The following PRPF39 variants were observed in gnomAD, a reference collection of about 807,000 sequenced individuals.
PRPF39 encodes the protein pre-mRNA-processing factor 39.
In PRPF39, 27 loss-of-function variants were observed where a neutral mutation model predicts 82.1. The observed-to-expected ratio is 0.33, with a 90% confidence interval of 0.24 to 0.45. The LOEUF (loss-of-function observed/expected upper bound fraction) is 0.45, where lower values mean the gene tolerates loss of function less well. Among genes scored for constraint, PRPF39 ranks in the 20% least tolerant of loss-of-function variants. The pLI is 1.00. For synonymous variants in PRPF39, 261 were observed against 256.4 expected, an observed-to-expected ratio of 1.02 and a Z score of -0.17; for missense variants, 581 against 796.9, an observed-to-expected ratio of 0.73 and a Z score of 3.26.
Position 45,112,393 on chromosome 14 carries a change from C to A in PRPF39, c.1648C>A (p.Leu550Ile). 1 of 1,579,518 alleles carries A rather than the reference C, an allele frequency of 6.3e-7. No individual in the cohort carries two copies. ...CCTCAAACAAAATGAAGAAAATATC[C>A]TAAATTGTTTTGACAAAGCTGTACA... The part of the protein sequence containing the change: ...GDLKQNEENI[L>I]NCFDKAVHGS... Residue 550 changes from leucine (L) to isoleucine (I), a missense_variant, in exon 11 of 14, where the codon CTA (leucine) becomes ATA (isoleucine). By Grantham distance (5) the Leu-to-Ile change is conservative (BLOSUM62 2). Coordinates refer to ENST00000355765, the MANE Select transcript of PRPF39 (RefSeq NM_017922.4).
intron 4 of PRPF39, among the ~76,000 whole-genome samples, chr14:45,098,209 G>A (rs1330496176): frequency 6.6e-6 from 1 of 152,160 alleles, no homozygotes; most frequent in Non-Finnish European, 1.5e-5. Flanking sequence ...GAGCCTGGGA[G>A]GTTGAGGCTG....
intron 5 of PRPF39, 67 bp from the exon 6 acceptor site, chr14:45,107,384 G>C: frequency 1.7e-6 from 2 of 1,206,192 alleles, no homozygotes; most frequent in Non-Finnish European, 1.2e-6. Flanking sequence ...GTAGTATATA[G>C]TAGGAATCTC....
chr14:45,107,970 G>T (rs1035048686), intron 6 of PRPF39, among the ~76,000 whole-genome samples: 2 of 152,060 alleles, frequency 1.3e-5, no homozygotes, highest in African/African-American at 4.8e-5. Flanking sequence ...AACTGGACCT[G>T]TTATCCCTTG....
rs374435350 is a variant in PRPF39 at position 45,096,868 on chromosome 14, T to C, written c.451-19T>C. Reference sequence around the variant, plus strand: ...AAATAATTAAATATTTGAAGTACAGTTTGCTGTTTTCTTCTTAGGTTTATC... The same window carrying C: ...AAATAATTAAATATTTGAAGTACAGCTTGCTGTTTTCTTCTTAGGTTTATC... On this transcript the variant is annotated intron_variant, in intron 3 of 13. Transcript: ENST00000355765. 2.9e-5 allele frequency: 45 copies of C among 1,540,602 alleles called. No homozygotes were observed. The highest frequency in any genetic ancestry group is 2.9e-5 in the Non-Finnish European group (33 of 1,143,276).
chr14:45,110,589 A>G lies in PRPF39; in HGVS notation c.1344A>G (p.Glu448=). 1 of 1,567,194 alleles carries G rather than the reference A, an allele frequency of 6.4e-7. No individual in the cohort carries two copies. Among genetic ancestry groups the G allele is most frequent in the Non-Finnish European group, 8.7e-7 (1 of 1,154,402 alleles). Residue 448 remains glutamate (E), a synonymous_variant, in exon 10 of 14, where the codon GAA becomes GAG. Coordinates refer to ENST00000355765, the MANE Select transcript of PRPF39 (RefSeq NM_017922.4). The surrounding 1 kb of genome is among the most constrained non-coding windows in gnomAD (Gnocchi z 4.0). ...CCAGGAATATCTTGAAAACATTTGA[A>G]GAATGTGTTCTAGGATTGGCAATGG... ...NEARNILKTF[E]ECVLGLAMVR...
In PRPF39 at chr14:45,102,635, A is replaced by T; in HGVS notation, c.676A>T (p.Thr226Ser). 6.2e-7 allele frequency: 1 copy of T among 1,611,950 alleles called. No homozygotes were observed. Among genetic ancestry groups the T allele is most frequent in the African/African-American group, 1.3e-5 (1 of 75,002 alleles). ...TGAGCAGGGAAACCTGAGAGAAGTTACAGCTATATATGATCGTATTCTTGG... is the reference window on the plus strand; with the variant it reads ...TGAGCAGGGAAACCTGAGAGAAGTTTCAGCTATATATGATCGTATTCTTGG... ...ENEQGNLREV[T>S]AIYDRILGIP... The change falls in exon 5 of 14, where the codon ACA becomes TCA. Residue 226 changes from threonine (T) to serine (S), a missense_variant. Physicochemically the swap from Thr to Ser is moderately conservative, Grantham distance 58 (BLOSUM62 1). Transcript: ENST00000355765.
At chr14:45,095,746 GAGTC>G (rs1308450484) in intron 2 of PRPF39, 183 bp downstream of exon 2, 8 of 770,236 alleles carry the variant, frequency 1.0e-5, no homozygotes, top group African/African-American at 5.3e-5. Flanking sequence ...ATGTTGTAGA[GAGTC>G]AGTAGTGTCA....
chr14:45,110,506 G>A lies in PRPF39; in HGVS notation c.1304-43G>A. The A allele has an allele frequency of 6.6e-7, 1 of 1,512,130 alleles. No homozygotes were observed. The highest frequency in any genetic ancestry group is 2.5e-5 in the East Asian group (1 of 40,630). 93.7% of individuals were successfully genotyped at this position (1,512,130 alleles called of 1,614,324 possible). ...AGTATCTGGTTATAAACGTTATTTTGGTTGTTTAAACCAAAGCATAAACAT... is the reference window on the plus strand; with the variant it reads ...AGTATCTGGTTATAAACGTTATTTTAGTTGTTTAAACCAAAGCATAAACAT... On this transcript the variant is annotated intron_variant, in intron 9 of 13. Coordinates refer to ENST00000355765, the MANE Select transcript of PRPF39 (RefSeq NM_017922.4). This position sits in a 1 kb window ranked among gnomAD's most constrained non-coding sequence, Gnocchi z 4.0.
At chr14:45,111,532 A>C (rs577864287) in intron 10 of PRPF39, among the ~76,000 whole-genome samples, 4 of 141,668 alleles carry the variant, frequency 2.8e-5, no homozygotes, top group African/African-American at 1.0e-4. Context: ...ACAGTTTACT[A>C]TGTTGGTCAG....
chr14:45,110,008 T>TA lies in PRPF39; in HGVS notation c.1177-81dup. The TA allele has an allele frequency of 6.3e-7, 1 of 1,595,568 alleles. No individual in the cohort carries two copies. The highest frequency in any genetic ancestry group is 8.5e-7 in the Non-Finnish European group (1 of 1,170,022). ...GTTCAATAAAGGTGCTGAATGGGTT[T>TA]AAAAATAGAATTTTATCGTTCTGTC... On this transcript the variant is annotated intron_variant, in intron 8 of 13. Coordinates refer to ENST00000355765, the MANE Select transcript of PRPF39 (RefSeq NM_017922.4). This position sits in a 1 kb window ranked among gnomAD's most constrained non-coding sequence, Gnocchi z 4.0.
chr14:45,099,063 C>G (rs1884290791), intron 4 of PRPF39, among the ~76,000 whole-genome samples: 1 of 152,144 alleles, frequency 6.6e-6, no homozygotes, highest in African/African-American at 2.4e-5. Context: ...AATAGATTCT[C>G]TTTCTATAAT....
chr14:45,102,119 C>A (rs979867747), intron 4 of PRPF39, among the ~76,000 whole-genome samples: 11 of 152,122 alleles, frequency 7.2e-5, no homozygotes, highest in African/African-American at 2.7e-4. Flanking sequence ...AACCATTTCA[C>A]CATGCCTCAT....
At chr14:45,086,865 T>A (rs965948471) in intron 1 of PRPF39, among the ~76,000 whole-genome samples, 18 of 150,998 alleles carry the variant, frequency 1.2e-4, no homozygotes, top group Non-Finnish European at 2.7e-4. Flanking sequence ...TTTTTTTTTT[T>A]TTTTACTGCA....
rs902435466 is a variant in PRPF39 at position 45,110,498 on chromosome 14, G to A, written c.1304-51G>A. ...TTGTTGCCAGTATCTGGTTATAAAC[G>A]TTATTTTGGTTGTTTAAACCAAAGC... On this transcript the variant is annotated intron_variant, in intron 9 of 13. Transcript: ENST00000355765. This position sits in a 1 kb window ranked among gnomAD's most constrained non-coding sequence, Gnocchi z 4.0. The A allele has an allele frequency of 2.2e-5, 33 of 1,500,876 alleles. No homozygotes were observed. Among genetic ancestry groups the A allele is most frequent in the Non-Finnish European group, 2.9e-5 (32 of 1,109,458 alleles). 93.0% of individuals were successfully genotyped at this position (1,500,876 alleles called of 1,614,324 possible).
At chr14:45,112,270 C>T in intron 10 of PRPF39, 48 bp from the exon 11 acceptor site, 1 of 1,428,164 alleles carries the variant, frequency 7.0e-7, no homozygotes, top group Non-Finnish European at 9.3e-7. Flanking sequence ...TATCTGTGCT[C>T]TAATAAAAAT....
chr14:45,095,260 T>A lies in PRPF39; in HGVS notation c.21T>A (p.Asp7Glu). 6.3e-7 allele frequency: 1 copy of A among 1,599,506 alleles called. No homozygotes were observed. Among genetic ancestry groups the A allele is most frequent in the Non-Finnish European group, 8.6e-7 (1 of 1,168,964 alleles). Residue 7 changes from aspartate to glutamate, a missense_variant, in exon 2 of 14, where the codon GAT (aspartate) becomes GAA (glutamate). Asp to Glu is a conservative substitution (Grantham distance 45). Coordinates refer to ENST00000355765, the MANE Select transcript of PRPF39 (RefSeq NM_017922.4). The stretch of plus-strand genomic sequence containing the variant: ...ACAATATGCAAAATTCTCACATGGA[T>A]GAATACAGAAATTCTAGTAATGGCA... MQNSHM[D>E]EYRNSSNGST... is the part of the protein sequence containing the mutation.
rs1180617533 is a variant in PRPF39, at chr14:45,110,416, G to A, written c.1304-133G>A. On this transcript the variant is annotated intron_variant, in intron 9 of 13. Coordinates refer to ENST00000355765, the MANE Select transcript of PRPF39 (RefSeq NM_017922.4). The surrounding 1 kb of genome is among the most constrained non-coding windows in gnomAD (Gnocchi z 4.0). ...TAGCCCCGAAACAGCCATAGGCAGT[G>A]TGTAAATATGCATGGCTGTTTCCCA... 4 of 1,196,684 alleles carry A rather than the reference G, an allele frequency of 3.3e-6. No homozygotes were observed. The highest frequency in any genetic ancestry group is 2.6e-5 in the Admixed American group (1 of 39,142). 74.1% of individuals were successfully genotyped at this position (1,196,684 alleles called of 1,614,324 possible). A position where few individuals can be genotyped will look rare whatever the true frequency, so the allele number is the denominator to read the frequency against.
rs2139065118 is a variant in PRPF39 at position 45,110,276 on chromosome 14, C to T, written c.1303+56C>T. 1.9e-6 allele frequency: 3 copies of T among 1,597,962 alleles called. No individual in the cohort carries two copies. Among genetic ancestry groups the T allele is most frequent in the East Asian group, 4.5e-5 (2 of 44,644 alleles). ...TGAGATTTTAAGTTATTTCAGGAAACAGTGACAAATTGAGTGGTAAGGGAT... is the reference window on the plus strand; with the variant it reads ...TGAGATTTTAAGTTATTTCAGGAAATAGTGACAAATTGAGTGGTAAGGGAT... On this transcript the variant is annotated intron_variant, in intron 9 of 13. Coordinates refer to ENST00000355765, the MANE Select transcript of PRPF39 (RefSeq NM_017922.4). This position sits in a 1 kb window ranked among gnomAD's most constrained non-coding sequence, Gnocchi z 4.0.
intron 1 of PRPF39, 26 bp from the exon 2 acceptor site, chr14:45,095,195 T>C: frequency 1.4e-6 from 2 of 1,415,182 alleles, no homozygotes. Flanking sequence ...TTGGAAGATA[T>C]TTCTCTTTTT....
Sources: allele counts gnomAD v4.1 joint callset (sites outside exome capture counted in the v4.1 genomes callset), GRCh38; gene constraint gnomAD v4.1.1; non-coding constraint Gnocchi (gnomAD v3.1); transcripts MANE v1.5; gene names NCBI Gene and HGNC (gene_info 2026-07-23, HGNC 2026-07-21).